The following KLF17 variants were observed in gnomAD, a reference collection of about 807,000 sequenced individuals.
KLF17 encodes the protein Krueppel-like factor 17.
A neutral mutation model predicts 34.2 loss-of-function variants in KLF17; 31 were observed. The ratio of observed to expected loss-of-function variants is 0.91; its 90% CI spans 0.68 to 1.22. KLF17 has a LOEUF of 1.22. Ranked by LOEUF, KLF17 falls within the 50% of genes most tolerant of loss-of-function variation. The probability of loss-of-function intolerance (pLI) is 0.00; values close to 1 mark genes in which losing one functional copy is unlikely to be tolerated. For synonymous variants in KLF17, 179 were observed against 186.7 expected, an observed-to-expected ratio of 0.96 and a Z score of 0.34; for missense variants, 478 against 505.2, an observed-to-expected ratio of 0.95 and a Z score of 0.52.
chr1:44,097,725 CT>C, the KLF17 span, among the ~76,000 whole-genome samples: 1 of 152,026 alleles, frequency 6.6e-6, no homozygotes, highest in South Asian at 2.1e-4. Context: ...CTGTTTTTCC[CT>C]TTTCAGTATG....
At chr1:44,126,003 A>C (rs1052430593) in intron 1 of KLF17, among the ~76,000 whole-genome samples, 25 of 148,630 alleles carry the variant, frequency 1.7e-4, no homozygotes, top group African/African-American at 6.3e-4. Flanking sequence ...TTGGAGGACA[A>C]GGTTTTTTTT....
intron 1 of KLF17, chr1:44,122,342 C>T (rs1286444414): frequency 6.2e-6 from 10 of 1,605,988 alleles, no homozygotes; most frequent in East Asian, 2.2e-5. Context: ...GAATACTCAG[C>T]GTTTCCAGCT....
At position 44,132,313 on chromosome 1, in the gene KLF17, A is replaced by T. The variant is rs569791356; in HGVS notation, c.*1-925A>T. Among the ~76,000 whole-genome samples, 666 of 150,814 alleles carry T rather than the reference A, an allele frequency of 4.4e-3. 3 individuals are homozygous for T. The highest frequency in any genetic ancestry group is 0.016 in the African/African-American group (637 of 41,082). On this transcript the variant is annotated intron_variant, in intron 3 of 3. Coordinates refer to ENST00000372299, the MANE Select transcript of KLF17 (RefSeq NM_173484.4). The stretch of plus-strand genomic sequence containing the variant: ...AGCAAGACTCCATCTCAAAAAAAAA[A>T]TTTTTTTTTTGACTAGTGGAAAATG...
In KLF17 at chr1:44,118,970, G is replaced by A. The variant is rs201699076; in HGVS notation, c.63G>A (p.Ala21=). 128 of 1,609,664 alleles carry A rather than the reference G, an allele frequency of 8.0e-5. No individual in the cohort carries two copies. In the East Asian group the frequency reaches 2.8e-3, roughly 35 times the overall value. Residue 21 remains alanine (A), a synonymous_variant, in exon 1 of 4, where the codon GCG becomes GCA. Transcript: ENST00000372299. The stretch of plus-strand genomic sequence containing the variant: ...CTGGGGAGCTGAGCCGGTGGCAGGC[G>A]GCGCACCAGGCTGCCCAGGTGAGTC... ...QEAGELSRWQ[A]AHQAAQDNEN... is the part of the protein sequence containing the mutation.
chr1:44,121,639 G>A (rs1002240080), intron 1 of KLF17, among the ~76,000 whole-genome samples: 2 of 152,038 alleles, frequency 1.3e-5, no homozygotes, highest in East Asian at 1.9e-4. Flanking sequence ...GTTCCTTTCC[G>A]ATATATCAGA....
At chr1:44,104,788 G>A in the KLF17 span, 3 of 220,588 alleles carry the variant, frequency 1.4e-5, no homozygotes, top group Admixed American at 1.0e-4. Flanking sequence ...ATATTTATAC[G>A]ATGGAAACTA....
the KLF17 span, among the ~76,000 whole-genome samples, chr1:44,082,502 G>A: frequency 6.6e-6 from 1 of 152,168 alleles, no homozygotes. Flanking sequence ...ACAATTTTGT[G>A]TATGTCCCCA....
At chr1:44,052,454 G>A in the KLF17 span, among the ~76,000 whole-genome samples, 2 of 152,126 alleles carry the variant, frequency 1.3e-5, no homozygotes, top group Non-Finnish European at 2.9e-5. Flanking sequence ...AGGTTCTCTG[G>A]CAGTGAGGGC....
At chr1:44,087,859 AGAAATGT>A in the KLF17 span, 1 of 150,442 alleles carries the variant, frequency 6.6e-6, no homozygotes, top group African/African-American at 2.4e-5. Context: ...TTATGAAATG[AGAAATGT>A]GTGTTTAATG....
chr1:44,099,896 A>AGAAG, the KLF17 span, among the ~76,000 whole-genome samples: 1 of 66,938 alleles, frequency 1.5e-5, no homozygotes, highest in Non-Finnish European at 3.5e-5. Context: ...AAAGAAAGAA[A>AGAAG]GAAAGAAAGA....
chr1:44,121,789 A>G (rs1370609088), intron 1 of KLF17, among the ~76,000 whole-genome samples: 1 of 152,210 alleles, frequency 6.6e-6, no homozygotes, highest in Non-Finnish European at 1.5e-5. Flanking sequence ...ATCTTGCATT[A>G]CATCAGGAGA....
At chr1:44,124,551 G>A (rs1270324348) in intron 1 of KLF17, among the ~76,000 whole-genome samples, 1 of 146,066 alleles carries the variant, frequency 6.8e-6, no homozygotes, top group Non-Finnish European at 1.5e-5. Context: ...CTGTAGTGCA[G>A]TGGCACGATC....
intron 1 of KLF17, among the ~76,000 whole-genome samples, chr1:44,126,034 G>GT (rs920947825): frequency 9.2e-5 from 14 of 151,880 alleles, no homozygotes; most frequent in African/African-American, 2.7e-4. Flanking sequence ...GTTTTGTTTT[G>GT]TTTTTTTGAG....
At chr1:44,090,925 CAT>C in the KLF17 span, among the ~76,000 whole-genome samples, 24,413 of 149,012 alleles carry the variant, frequency 0.16, 2,486 homozygotes, top group Non-Finnish European at 0.21. Context: ...CACACACACA[CAT>C]GCACACGCAC....
chr1:44,132,078 G>A (rs917263431), intron 3 of KLF17, among the ~76,000 whole-genome samples: 3 of 152,086 alleles, frequency 2.0e-5, no homozygotes, highest in Admixed American at 1.3e-4. Context: ...AGGCTGAGGC[G>A]GGTGGATCAC....
At chr1:44,125,340 G>C (rs916963581) in intron 1 of KLF17, among the ~76,000 whole-genome samples, 3 of 152,158 alleles carry the variant, frequency 2.0e-5, no homozygotes, top group Non-Finnish European at 2.9e-5. Context: ...TTAGTACTTT[G>C]AATATATCAA....
chr1:44,074,990 C>G, the KLF17 span: 1 of 152,186 alleles, frequency 6.6e-6, no homozygotes, highest in Non-Finnish European at 1.5e-5. Context: ...ATTCTTCTTA[C>G]CTTCAAGAGG....
the KLF17 span, among the ~76,000 whole-genome samples, chr1:44,075,914 T>C: frequency 0.11 from 17,294 of 152,124 alleles, 1,264 homozygotes; most frequent in African/African-American, 0.21. Context: ...AACCTAGGAG[T>C]AGAGTTGCTA....
the KLF17 span, among the ~76,000 whole-genome samples, chr1:44,079,754 C>T: frequency 6.6e-6 from 1 of 152,068 alleles, no homozygotes; most frequent in East Asian, 1.9e-4. Flanking sequence ...TTCATTTTTT[C>T]CATCCAGATA....
Sources: allele counts gnomAD v4.1 joint callset (sites outside exome capture counted in the v4.1 genomes callset), GRCh38; gene constraint gnomAD v4.1.1; transcripts MANE v1.5; gene names NCBI Gene and HGNC (gene_info 2026-07-23, HGNC 2026-07-21).